Variants in IL21R observed in about 807,000 individuals in gnomAD.
IL21R encodes the protein interleukin-21 receptor.
A neutral mutation model predicts 41.3 loss-of-function variants in IL21R; 14 were observed. The ratio of observed to expected loss-of-function variants is 0.34; its 90% confidence interval spans 0.22 to 0.53. The LOEUF (loss-of-function observed/expected upper bound fraction) is 0.53, where lower values mean the gene tolerates loss of function less well. IL21R is among the 20% of genes least tolerant of loss of function. IL21R has a pLI of 0.94. For missense variants in IL21R, 588 were observed against 681.6 expected, an observed-to-expected ratio of 0.86 and a Z score of 1.53; for synonymous variants, 286 against 287.6, an observed-to-expected ratio of 0.99 and a Z score of 0.05.
intron 4 of IL21R, among the ~76,000 whole-genome samples, chr16:27,438,940 G>T (rs1441023839): frequency 6.6e-6 from 1 of 151,986 alleles, no homozygotes; most frequent in Non-Finnish European, 1.5e-5. Context: ...GTGTGTGTGT[G>T]TGTGTGTGTG....
chr16:27,435,403 C>T (rs979184237), intron 3 of IL21R, among the ~76,000 whole-genome samples: 2 of 152,168 alleles, frequency 1.3e-5, no homozygotes, highest in Non-Finnish European at 2.9e-5. Context: ...GGGAGACAGA[C>T]ACACAAAACA....
intron 3 of IL21R, among the ~76,000 whole-genome samples, 178 bp from the exon 4 acceptor site, chr16:27,437,310 G>C (rs1042021439): frequency 3.3e-5 from 5 of 152,164 alleles, no homozygotes; most frequent in African/African-American, 1.2e-4. Context: ...ATGCTGTAGG[G>C]GAGGTGATAC....
At chr16:27,428,274 A>C (rs1404190392) in intron 1 of IL21R, among the ~76,000 whole-genome samples, 2 of 152,244 alleles carry the variant, frequency 1.3e-5, no homozygotes, top group Non-Finnish European at 2.9e-5. Context: ...GGAGCCACAC[A>C]GCTGGTCATC....
intron 7 of IL21R, 32 bp downstream of exon 7, chr16:27,445,308 T>C (rs1358198268): frequency 6.9e-7 from 1 of 1,444,206 alleles, no homozygotes; most frequent in Admixed American, 1.7e-5. Context: ...GGCAGGGAGG[T>C]GGTCAGCCTG....
intron 1 of IL21R, among the ~76,000 whole-genome samples, chr16:27,415,439 C>A (rs76191236): frequency 0.012 from 1,903 of 152,304 alleles, 32 homozygotes; most frequent in African/African-American, 0.043. Context: ...AAGACAAAAG[C>A]AGACCGGTCA....
At chr16:27,409,851 C>G (rs1016195672) in intron 1 of IL21R, among the ~76,000 whole-genome samples, 1 of 152,146 alleles carries the variant, frequency 6.6e-6, no homozygotes, top group Non-Finnish European at 1.5e-5. Flanking sequence ...TTGTCAATTT[C>G]CACCAAAGAA....
chr16:27,415,149 C>T (rs771669497), intron 1 of IL21R, among the ~76,000 whole-genome samples: 5 of 152,132 alleles, frequency 3.3e-5, no homozygotes, highest in Admixed American at 2.0e-4. Flanking sequence ...CTATTAACAG[C>T]CCAAACAATA....
intron 3 of IL21R, among the ~76,000 whole-genome samples, chr16:27,434,679 G>A (rs536589077): frequency 6.2e-4 from 94 of 152,246 alleles, no homozygotes; most frequent in Non-Finnish European, 1.2e-3. Context: ...ACCCCGGGAT[G>A]GCTGGTTTCC....
chr16:27,449,901 G>A lies in IL21R; in HGVS notation c.*618G>A, dbSNP rs912162903. On this transcript the variant is annotated 3_prime_UTR_variant, in exon 9 of 9. Transcript: ENST00000337929. ...GCCCCTGGACGAAGGTCTGAATCCCGACTCTGATACCTTCTGGCTGTGCTA... is the reference window on the plus strand; with the variant it reads ...GCCCCTGGACGAAGGTCTGAATCCCAACTCTGATACCTTCTGGCTGTGCTA... 2.1e-5 allele frequency: 5 copies of A among 234,084 alleles called. No individual in the cohort carries two copies. Among genetic ancestry groups the A allele is most frequent in the South Asian group, 1.8e-4 (1 of 5,584 alleles). The allele number at this position is 234,084 out of a possible 1,614,324, so 14.5% of individuals were successfully genotyped here.
intron 1 of IL21R, among the ~76,000 whole-genome samples, chr16:27,420,601 C>T (rs924428449): frequency 6.6e-6 from 1 of 152,130 alleles, no homozygotes; most frequent in Admixed American, 6.6e-5. Flanking sequence ...GTTTGGATAT[C>T]TTCTTTGGAG....
chr16:27,405,264 C>T lies in IL21R; in HGVS notation c.-17+2646C>T, dbSNP rs1399497486. On this transcript the variant is annotated intron_variant, in intron 1 of 8. Transcript: ENST00000337929. ...GCCAGGCTGGTCTTGAACTCCTGGG[C>T]TCAAGTGATCTGCCTGTCTCAGTCT... Among the ~76,000 whole-genome samples the T allele has an allele frequency of 3.9e-5, 6 of 152,214 alleles. No homozygotes were observed. The East Asian group carries it at 1.2e-3, about 29-fold the overall frequency.
Position 27,450,698 on chromosome 16 carries a change from G to A in IL21R, c.*1415G>A, listed in dbSNP as rs1321331403. On this transcript the variant is annotated 3_prime_UTR_variant, in exon 9 of 9. Coordinates refer to ENST00000337929, the MANE Select transcript of IL21R (RefSeq NM_181078.3). ...CTCCCGGGTTCAAGCGATTTCCTGC[G>A]TCAGCCCCAGAGTAGCTGGAATTAC... The A allele has an allele frequency of 1.8e-5, 4 of 221,138 alleles. No homozygotes were observed. Among genetic ancestry groups the A allele is most frequent in the East Asian group, 6.6e-5 (1 of 15,264 alleles). The allele number at this position is 221,138 out of a possible 1,614,324, so 13.7% of individuals were successfully genotyped here. A position where few individuals can be genotyped will look rare whatever the true frequency, so the allele number is the denominator to read the frequency against.
chr16:27,432,836 C>T (rs761119211), intron 2 of IL21R, among the ~76,000 whole-genome samples: 2 of 152,136 alleles, frequency 1.3e-5, no homozygotes, highest in Non-Finnish European at 1.5e-5. Context: ...AGAAGCATTC[C>T]GAGGTCACAC....
chr16:27,434,030 C>G (rs2087220963), intron 2 of IL21R, among the ~76,000 whole-genome samples: 1 of 152,164 alleles, frequency 6.6e-6, no homozygotes, highest in Admixed American at 6.5e-5. Flanking sequence ...CCAGGAGGGA[C>G]ACAGACCTGG....
intron 1 of IL21R, among the ~76,000 whole-genome samples, chr16:27,427,919 A>G (rs2087105443): frequency 6.6e-6 from 1 of 152,200 alleles, no homozygotes; most frequent in South Asian, 2.1e-4. Context: ...TTGAGTAGTG[A>G]TGTTATTGCT....
rs930879153 is a variant in IL21R at position 27,411,658 on chromosome 16, T to C, written c.-17+9040T>C. On this transcript the variant is annotated intron_variant, in intron 1 of 8. Transcript: ENST00000337929. ...TTGTATTTGTTAGTAGAGATGGGAT[T>C]TCGCCATCTTGGCCAGGCTGGTCTT... Among the ~76,000 whole-genome samples, 8 of 151,982 alleles carry C rather than the reference T, an allele frequency of 5.3e-5. No individual in the cohort carries two copies. The East Asian group carries it at 1.5e-3, about 29-fold the overall frequency.
Position 27,448,690 on chromosome 16 carries a change from G to A in IL21R, c.1024G>A (p.Glu342Lys). The change falls in exon 9 of 9, where the codon GAG becomes AAG. Residue 342 changes from glutamate to lysine, a missense_variant. By Grantham distance (56) the Glu-to-Lys change is moderately conservative (BLOSUM62 1). Transcript: ENST00000337929. ...GCTACAAGAACCAGCAGAGCTGGTG[G>A]AGTCTGACGGTGTGCCCAAGCCCAG... is the stretch of plus-strand genomic sequence containing the variant. ...TELQEPAELV[E>K]SDGVPKPSFW... is the part of the protein sequence containing the mutation. The A allele has an allele frequency of 3.1e-6, 5 of 1,613,222 alleles. No individual in the cohort carries two copies. Among genetic ancestry groups the A allele is most frequent in the Non-Finnish European group, 4.2e-6 (5 of 1,180,014 alleles).
intron 1 of IL21R, among the ~76,000 whole-genome samples, chr16:27,412,273 T>C (rs2086833576): frequency 6.6e-6 from 1 of 152,220 alleles, no homozygotes. Flanking sequence ...CTGGGCTCTC[T>C]ATTCTTTTCC....
At chr16:27,432,861 G>T (rs547870827) in intron 2 of IL21R, among the ~76,000 whole-genome samples, 18 of 152,282 alleles carry the variant, frequency 1.2e-4, no homozygotes, top group Non-Finnish European at 1.9e-4. Context: ...GGGAGGGAGT[G>T]CTGTGATCCA....
Sources: gnomAD v4.1 joint callset for allele counts (sites outside exome capture counted in the v4.1 genomes callset) on GRCh38, gnomAD v4.1.1 for gene constraint, MANE v1.5 for transcripts, NCBI Gene and HGNC (gene_info 2026-07-23, HGNC 2026-07-21) for gene names.